The following NIBAN1 variants were observed in gnomAD, a reference collection of about 807,000 sequenced individuals.
The protein encoded by NIBAN1 is niban apoptosis regulator 1.
NIBAN1 carries 81 observed loss-of-function variants against 75.1 expected under a neutral mutation model. That is an observed-to-expected ratio of 1.08 (90% CI 0.90 to 1.30). The LOEUF is 1.30. Among genes scored for constraint, NIBAN1 ranks in the 50% most tolerant of loss-of-function variants. The pLI is 0.00. For missense variants in NIBAN1, 1,133 were observed against 1,128.1 expected (o/e 1.00, Z -0.06); for synonymous variants, 436 against 424.8 (o/e 1.03, Z -0.32).
chr1:184,878,651 C>G (rs1366036119), intron 5 of NIBAN1, among the ~76,000 whole-genome samples: 1 of 152,232 alleles, frequency 6.6e-6, no homozygotes, highest in African/African-American at 2.4e-5. Context: ...ATTTGCTTCA[C>G]TCTGGATCAT....
At chr1:184,841,271 A>AC (rs1655279361) in intron 5 of NIBAN1, among the ~76,000 whole-genome samples, 2 of 152,154 alleles carry the variant, frequency 1.3e-5, no homozygotes, top group African/African-American at 4.8e-5. Flanking sequence ...AAGAAAAAAA[A>AC]CCCCAAACCC....
chr1:184,811,063 A>C (rs1438869133), intron 9 of NIBAN1, among the ~76,000 whole-genome samples: 1 of 152,202 alleles, frequency 6.6e-6, no homozygotes, highest in African/African-American at 2.4e-5. Context: ...TTTCTGATCC[A>C]AACTGGGTTT....
intron 1 of NIBAN1, among the ~76,000 whole-genome samples, chr1:184,924,501 T>C (rs1197258160): frequency 6.6e-6 from 1 of 152,192 alleles, no homozygotes; most frequent in Non-Finnish European, 1.5e-5. Context: ...TGGCCTGTAG[T>C]TTTCTTTTTT....
At chr1:184,802,468 G>T (rs553443871) in intron 12 of NIBAN1, among the ~76,000 whole-genome samples, 1 of 152,118 alleles carries the variant, frequency 6.6e-6, no homozygotes, top group African/African-American at 2.4e-5. Context: ...TTTGGCTGCT[G>T]AACTGTTCTG....
At chr1:184,838,786 C>A (rs567283839) in intron 5 of NIBAN1, among the ~76,000 whole-genome samples, 64 of 152,178 alleles carry the variant, frequency 4.2e-4, no homozygotes, top group Non-Finnish European at 7.3e-4. Context: ...GGTGTTGGGA[C>A]TCCCTGACTC....
intron 1 of NIBAN1, among the ~76,000 whole-genome samples, chr1:184,933,211 T>A (rs1657870852): frequency 6.6e-6 from 1 of 152,240 alleles, no homozygotes; most frequent in Admixed American, 6.5e-5. Flanking sequence ...CCTGCTGCAG[T>A]GCCCTTTCTC....
intron 1 of NIBAN1, among the ~76,000 whole-genome samples, chr1:184,900,307 C>T (rs1386048869): frequency 2.0e-5 from 3 of 152,150 alleles, no homozygotes; most frequent in South Asian, 2.1e-4. Flanking sequence ...AGCCTAGAGA[C>T]CTGAGCTCTG....
chr1:184,974,449 A>C lies in NIBAN1; in HGVS notation c.-93T>G, dbSNP rs1659024028. On this transcript the variant is annotated 5_prime_UTR_variant, in exon 1 of 14. Transcript: ENST00000367511. ...TGATCCGACGGCGAACCCGGCTCTG[A>C]AATTAAGAGCAAACTTCCTTCGAGA... is the stretch of plus-strand genomic sequence containing the variant. 2 of 1,462,114 alleles carry C rather than the reference A, an allele frequency of 1.4e-6. No homozygotes were observed. Among genetic ancestry groups the C allele is most frequent in the Non-Finnish European group, 1.8e-6 (2 of 1,094,872 alleles). The allele number at this position is 1,462,114 out of a possible 1,614,324, so 90.6% of individuals were successfully genotyped here.
At chr1:184,953,751 C>A (rs999891263) in intron 1 of NIBAN1, among the ~76,000 whole-genome samples, 1 of 152,046 alleles carries the variant, frequency 6.6e-6, no homozygotes, top group Admixed American at 6.6e-5. Context: ...ATAATGATAC[C>A]GAAGGGAGGA....
At chr1:184,952,723 A>G (rs547054530) in intron 1 of NIBAN1, among the ~76,000 whole-genome samples, 18 of 152,362 alleles carry the variant, frequency 1.2e-4, no homozygotes, top group African/African-American at 4.1e-4. Context: ...ATTAAGGTTT[A>G]TAAGTTCATC....
chr1:184,940,185 G>A (rs1470478834), intron 1 of NIBAN1, among the ~76,000 whole-genome samples: 1 of 152,124 alleles, frequency 6.6e-6, no homozygotes, highest in East Asian at 1.9e-4. Context: ...AGGACATTGG[G>A]GGTAACTGGC....
chr1:184,811,804 A>G (rs1435328071), intron 9 of NIBAN1, among the ~76,000 whole-genome samples: 1 of 152,096 alleles, frequency 6.6e-6, no homozygotes, highest in Non-Finnish European at 1.5e-5. Flanking sequence ...ATTGAAGTAC[A>G]TTTTTAAAAT....
chr1:184,890,329 TC>T, intron 3 of NIBAN1, 107 bp from the exon 4 acceptor site: 1 of 757,684 alleles, frequency 1.3e-6, no homozygotes, highest in Non-Finnish European at 2.3e-6. Context: ...GAGATAGCAA[TC>T]CCCATACTAT....
chr1:184,853,886 T>G (rs576902844), intron 5 of NIBAN1, among the ~76,000 whole-genome samples: 1 of 152,246 alleles, frequency 6.6e-6, no homozygotes, highest in Non-Finnish European at 1.5e-5. Flanking sequence ...TCTAGACTGG[T>G]GCTATTCAAG....
intron 1 of NIBAN1, among the ~76,000 whole-genome samples, chr1:184,905,346 A>G (rs1657064367): frequency 6.6e-6 from 1 of 152,216 alleles, no homozygotes; most frequent in African/African-American, 2.4e-5. Flanking sequence ...CTCATTAGTC[A>G]TAGGGGCACA....
intron 3 of NIBAN1, among the ~76,000 whole-genome samples, chr1:184,893,585 G>A (rs1185626977): frequency 6.6e-6 from 1 of 152,138 alleles, no homozygotes; most frequent in Admixed American, 6.5e-5. Context: ...GGAAAACCCA[G>A]GCAGATTCAA....
At chr1:184,797,568 C>T (rs930551519) in intron 13 of NIBAN1, among the ~76,000 whole-genome samples, 1 of 151,248 alleles carries the variant, frequency 6.6e-6, no homozygotes, top group African/African-American at 2.4e-5. Context: ...TCACCCTGCA[C>T]CTTTTTCTGT....
At position 184,791,189 on chromosome 1, in the gene NIBAN1, T is replaced by C; in HGVS notation, c.*3788A>G. ...GTTGCAGACTTTAGAAGGCAAACCC[T>C]CAAACCCGTCTCTTTATGGTAAAGT... On this transcript the variant is annotated 3_prime_UTR_variant, in exon 14 of 14. Coordinates refer to ENST00000367511, the MANE Select transcript of NIBAN1 (RefSeq NM_052966.4). 1 of 386,428 alleles carries C rather than the reference T, an allele frequency of 2.6e-6. No individual in the cohort carries two copies. The highest frequency in any genetic ancestry group is 5.1e-6 in the Non-Finnish European group (1 of 195,122). The allele number at this position is 386,428 out of a possible 1,614,324, so 23.9% of individuals were successfully genotyped here.
At chr1:184,826,632 T>C (rs1654848196) in intron 6 of NIBAN1, among the ~76,000 whole-genome samples, 1 of 152,222 alleles carries the variant, frequency 6.6e-6, no homozygotes. Flanking sequence ...TTCATCCTTT[T>C]GCAGAGACTG....
Sources: allele counts gnomAD v4.1 joint callset (sites outside exome capture counted in the v4.1 genomes callset), GRCh38; gene constraint gnomAD v4.1.1; transcripts MANE v1.5; gene names NCBI Gene and HGNC (gene_info 2026-07-23, HGNC 2026-07-21).